The following SEMA3D variants were observed in gnomAD, a reference collection of about 807,000 sequenced individuals.
The protein encoded by SEMA3D is semaphorin-3D.
Under a neutral mutation model 100.1 loss-of-function variants are expected in SEMA3D, and 84 were observed. The ratio of observed to expected loss-of-function variants is 0.84; its 90% CI spans 0.70 to 1.01. The LOEUF is 1.01. Among genes scored for constraint, SEMA3D ranks in the 50% least tolerant of loss-of-function variants. The pLI is 0.00. For synonymous variants in SEMA3D, 312 were observed against 320.7 expected (o/e 0.97, Z 0.29); for missense variants, 875 against 934.1 (o/e 0.94, Z 0.82).
At chr7:85,145,358 A>G (rs192204853) in intron 2 of SEMA3D, among the ~76,000 whole-genome samples, 209 of 152,240 alleles carry the variant, frequency 1.4e-3, no homozygotes, top group African/African-American at 4.5e-3. Context: ...GGGGGGATAG[A>G]TAAAAGTACA....
intron 13 of SEMA3D, among the ~76,000 whole-genome samples, chr7:85,021,026 G>T (rs1790240611): frequency 6.6e-6 from 1 of 150,380 alleles, no homozygotes; most frequent in Non-Finnish European, 1.5e-5. Flanking sequence ...AAAATTAAAA[G>T]AACAGTTTAG....
Position 85,144,444 on chromosome 7 carries a change from C to G in SEMA3D, c.-41+9164G>C, listed in dbSNP as rs1261552537. The G allele has an allele frequency of 2.2e-5, 22 of 979,132 alleles. No homozygotes were observed. The South Asian group carries it at 9.0e-4, about 40-fold the overall frequency. 60.7% of individuals were successfully genotyped at this position (979,132 alleles called of 1,614,324 possible). ...GATGTAAATACCCACACACTTCATC[C>G]TCTTCCCCAGAGGTAGAAAATATAT... On this transcript the variant is annotated intron_variant, in intron 2 of 18. Coordinates refer to ENST00000284136, the MANE Select transcript of SEMA3D (RefSeq NM_001384900.1).
chr7:85,028,021 G>C (rs1295922270), intron 12 of SEMA3D: 1 of 577,612 alleles, frequency 1.7e-6, no homozygotes, highest in Non-Finnish European at 3.3e-6. Flanking sequence ...AACCGTGCCA[G>C]CATGGCTTTT....
At chr7:85,129,118 T>C (rs545484857) in intron 2 of SEMA3D, among the ~76,000 whole-genome samples, 263 of 152,066 alleles carry the variant, frequency 1.7e-3, no homozygotes, top group Non-Finnish European at 3.2e-3. Flanking sequence ...CTTGAACTCC[T>C]GGCCTCAAGT....
intron 4 of SEMA3D, among the ~76,000 whole-genome samples, chr7:85,091,149 G>A (rs1220833185): frequency 2.9e-5 from 4 of 139,330 alleles, no homozygotes; most frequent in Middle Eastern, 3.5e-3. Flanking sequence ...AAGGAAGGAA[G>A]GAGGGAAGGA....
intron 9 of SEMA3D, among the ~76,000 whole-genome samples, chr7:85,049,576 T>C (rs1791103802): frequency 6.6e-6 from 1 of 150,916 alleles, no homozygotes; most frequent in African/African-American, 2.4e-5. Context: ...GGAAAACAGA[T>C]GGAAGTGAAG....
chr7:85,116,352 ATAT>A (rs1789244810), intron 3 of SEMA3D, among the ~76,000 whole-genome samples: 3 of 146,428 alleles, frequency 2.0e-5, no homozygotes, highest in African/African-American at 7.4e-5. Context: ...GTATATTTAT[ATAT>A]TATAATATAT....
At chr7:85,183,934 G>A (rs1158861627) in intron 1 of SEMA3D, among the ~76,000 whole-genome samples, 2 of 152,024 alleles carry the variant, frequency 1.3e-5, no homozygotes, top group Non-Finnish European at 2.9e-5. Flanking sequence ...CTAATCTCAG[G>A]AAATGTTCTT....
the SEMA3D span, among the ~76,000 whole-genome samples, chr7:85,200,240 T>C: frequency 6.6e-6 from 1 of 152,170 alleles, no homozygotes; most frequent in East Asian, 1.9e-4. Flanking sequence ...TGGAACAGTT[T>C]GGAGGGCTCA....
At chr7:85,133,081 T>C (rs1789771259) in intron 2 of SEMA3D, among the ~76,000 whole-genome samples, 2 of 151,978 alleles carry the variant, frequency 1.3e-5, no homozygotes, top group Admixed American at 1.3e-4. Context: ...CAGCCACATA[T>C]TTATAAAAAA....
At chr7:85,138,481 CTTAT>C (rs888733673) in intron 2 of SEMA3D, among the ~76,000 whole-genome samples, 1 of 151,128 alleles carries the variant, frequency 6.6e-6, no homozygotes, top group African/African-American at 2.4e-5. Context: ...AGCTTTTTTT[CTTAT>C]TTTTTTGTTT....
chr7:85,214,340 C>G, the SEMA3D span, among the ~76,000 whole-genome samples: 1 of 151,978 alleles, frequency 6.6e-6, no homozygotes, highest in Non-Finnish European at 1.5e-5. Context: ...AAAGTGTTTG[C>G]ACTATATTAC....
chr7:85,002,883 T>C (rs1466838429), intron 18 of SEMA3D, among the ~76,000 whole-genome samples: 1 of 152,142 alleles, frequency 6.6e-6, no homozygotes, highest in Non-Finnish European at 1.5e-5. Context: ...TCAGGGACTT[T>C]ATCTCTTATA....
intron 3 of SEMA3D, among the ~76,000 whole-genome samples, chr7:85,120,317 C>G (rs1789372031): frequency 1.3e-5 from 2 of 151,982 alleles, no homozygotes; most frequent in Non-Finnish European, 2.9e-5. Flanking sequence ...AGGGGAATGA[C>G]AGAAAATTGA....
the SEMA3D span, among the ~76,000 whole-genome samples, chr7:85,205,408 A>G: frequency 6.6e-6 from 1 of 152,198 alleles, no homozygotes; most frequent in Admixed American, 6.6e-5. Context: ...ATCAAACATC[A>G]TTCTACCACA....
the SEMA3D span, among the ~76,000 whole-genome samples, chr7:85,246,444 C>T: frequency 6.6e-6 from 1 of 151,922 alleles, no homozygotes; most frequent in Non-Finnish European, 1.5e-5. Context: ...AGCTGTGAAT[C>T]ATTTCCTTCA....
At chr7:85,247,526 T>C in the SEMA3D span, among the ~76,000 whole-genome samples, 1 of 152,100 alleles carries the variant, frequency 6.6e-6, no homozygotes, top group Non-Finnish European at 1.5e-5. Context: ...AAAGAAGTTA[T>C]TTTGTGAATA....
At chr7:85,106,155 A>C (rs1045186781) in intron 3 of SEMA3D, among the ~76,000 whole-genome samples, 1 of 152,082 alleles carries the variant, frequency 6.6e-6, no homozygotes, top group African/African-American at 2.4e-5. Context: ...TCACGATGGA[A>C]TAAACTTCCT....
intron 6 of SEMA3D, among the ~76,000 whole-genome samples, chr7:85,070,781 C>CT (rs1306619888): frequency 2.1e-5 from 3 of 146,236 alleles, no homozygotes; most frequent in Non-Finnish European, 3.0e-5. Flanking sequence ...GCACTTGTGA[C>CT]TTTTTTTTGT....
Sources: gnomAD v4.1 joint callset for allele counts (sites outside exome capture counted in the v4.1 genomes callset) on GRCh38, gnomAD v4.1.1 for gene constraint, MANE v1.5 for transcripts, NCBI Gene and HGNC (gene_info 2026-07-23, HGNC 2026-07-21) for gene names.